The following KMT2A variants were observed in gnomAD, a reference collection of about 807,000 sequenced individuals.
KMT2A encodes histone-lysine N-methyltransferase 2A.
A neutral mutation model predicts 345.3 loss-of-function variants in KMT2A; 16 were observed. The ratio of observed to expected loss-of-function variants is 0.05; its 90% confidence interval spans 0.03 to 0.07. KMT2A has a LOEUF of 0.07. Among genes scored for constraint, KMT2A ranks in the 10% least tolerant of loss-of-function variants. KMT2A has a pLI of 1.00. For synonymous variants in KMT2A, 1,599 were observed against 1,778.6 expected, an observed-to-expected ratio of 0.90 and a Z score of 2.54; for missense variants, 3,272 against 4,841.6, an observed-to-expected ratio of 0.68 and a Z score of 9.62.
chr11:118,460,111 CTG>C (rs1244843921), intron 1 of KMT2A, among the ~76,000 whole-genome samples: 2 of 152,278 alleles, frequency 1.3e-5, no homozygotes, highest in African/African-American at 2.4e-5. Flanking sequence ...TTACTAGAAA[CTG>C]TGTCACATCT....
Position 118,501,696 on chromosome 11 carries a change from A to G in KMT2A, c.6344A>G (p.Asn2115Ser). ...FTESSSKESQ[N>S]TAEIISPPSP... is the part of the protein sequence containing the mutation. ...GAAAGTTCATCAAAAGAGAGTCAAA[A>G]CACAGCTGAAATTATAAGTCCTCCA... The change falls in exon 26 of 36, where the codon AAC becomes AGC. Residue 2115 changes from asparagine to serine, a missense_variant. This residue lies in a region of KMT2A where 66 missense variants were observed against 73.9 expected (regional missense o/e 0.89). Transcript: ENST00000534358. The G allele has an allele frequency of 6.2e-7, 1 of 1,613,522 alleles. No homozygotes were observed. The highest frequency in any genetic ancestry group is 1.1e-5 in the South Asian group (1 of 90,892).
Position 118,520,979 on chromosome 11 carries a change from T to A in KMT2A, c.11513+94T>A. The A allele has an allele frequency of 1.1e-6, 1 of 921,512 alleles. No homozygotes were observed. The highest frequency in any genetic ancestry group is 1.8e-6 in the Non-Finnish European group (1 of 565,068). The allele number at this position is 921,512 out of a possible 1,614,324, so 57.1% of individuals were successfully genotyped here. On this transcript the variant is annotated intron_variant, in intron 34 of 35. Transcript: ENST00000534358. This position sits in a 1 kb window ranked among gnomAD's most constrained non-coding sequence, Gnocchi z 4.3. ...TGCTGGAGTGACCTTCCTCACTCAG[T>A]AAGTGAGGATTTTACGGACACTATT...
intron 6 of KMT2A, among the ~76,000 whole-genome samples, chr11:118,480,913 C>T (rs757712041): frequency 1.3e-5 from 2 of 152,110 alleles, no homozygotes; most frequent in Admixed American, 1.3e-4. Context: ...GCAATCCTCT[C>T]GCCTTGGCCT....
intron 2 of KMT2A, among the ~76,000 whole-genome samples, chr11:118,470,675 A>C (rs1246455459): frequency 6.6e-6 from 1 of 152,196 alleles, no homozygotes; most frequent in Non-Finnish European, 1.5e-5. Flanking sequence ...TCTGTTAGCA[A>C]GCAGTTCCAT....
At chr11:118,485,048 T>C in intron 10 of KMT2A, 73 bp downstream of exon 10, 1 of 919,622 alleles carries the variant, frequency 1.1e-6, no homozygotes, top group Non-Finnish European at 1.8e-6. Context: ...TACTATAGTC[T>C]GTTTTGTTGG....
chr11:118,521,547 G>GGGCCGGGCGCGGTGGCTC lies in KMT2A; in HGVS notation c.11643+130_11643+131insGGCCGGGCGCGGTGGCTC. The GGGCCGGGCGCGGTGGCTC allele has an allele frequency of 1.7e-6, 2 of 1,153,586 alleles. No individual in the cohort carries two copies. Among genetic ancestry groups the GGGCCGGGCGCGGTGGCTC allele is most frequent in the Non-Finnish European group, 2.4e-6 (2 of 836,606 alleles). The allele number at this position is 1,153,586 out of a possible 1,614,324, so 71.5% of individuals were successfully genotyped here. ...GACCTTTCTTAAAAAAATAAACTCT[G>GGGCCGGGCGCGGTGGCTC]AAATTTGTGAGGGGCCCAGTAAAAA... is the stretch of plus-strand genomic sequence containing the variant. On this transcript the variant is annotated intron_variant, in intron 35 of 35. Coordinates refer to ENST00000534358, the MANE Select transcript of KMT2A (RefSeq NM_001197104.2). The surrounding 1 kb of genome is among the most constrained non-coding windows in gnomAD (Gnocchi z 5.3).
chr11:118,513,354 T>C (rs1950730542), intron 31 of KMT2A, among the ~76,000 whole-genome samples: 1 of 151,976 alleles, frequency 6.6e-6, no homozygotes, highest in Admixed American at 6.6e-5. Flanking sequence ...AGATTGCTCC[T>C]GGAAAGGTGG....
intron 29 of KMT2A, among the ~76,000 whole-genome samples, chr11:118,509,675 T>G (rs1950648782): frequency 6.6e-6 from 1 of 152,126 alleles, no homozygotes; most frequent in South Asian, 2.1e-4. Flanking sequence ...TTGAGGACAG[T>G]TGCTTATTGA....
At chr11:118,456,885 T>G (rs1186715299) in intron 1 of KMT2A, among the ~76,000 whole-genome samples, 5 of 152,204 alleles carry the variant, frequency 3.3e-5, no homozygotes, top group African/African-American at 9.7e-5. Context: ...CCTTTCTGTG[T>G]TCCCAGTCTT....
At chr11:118,507,820 G>C (rs1555048998) in intron 28 of KMT2A, 2 of 456,262 alleles carry the variant, frequency 4.4e-6, no homozygotes, top group Admixed American at 6.7e-5. Flanking sequence ...AGAATTAGCC[G>C]GGCGTGATGG....
rs1018195951 is a variant in KMT2A at position 118,439,227 on chromosome 11, A to G, written c.432+2283A>G. ...TTACCTGCTTATTTTCAAAATTGAG[A>G]CTTGCCTGGTTATATGTAGCATTTT... On this transcript the variant is annotated intron_variant, in intron 1 of 35. Coordinates refer to ENST00000534358, the MANE Select transcript of KMT2A (RefSeq NM_001197104.2). 9 of 384,174 alleles carry G rather than the reference A, an allele frequency of 2.3e-5. 1 individual carries two copies. In the Admixed American group the frequency reaches 2.9e-4, roughly 12 times the overall value. 23.8% of individuals were successfully genotyped at this position (384,174 alleles called of 1,614,324 possible).
intron 1 of KMT2A, among the ~76,000 whole-genome samples, chr11:118,468,551 A>G (rs1210250076): frequency 6.6e-6 from 1 of 152,132 alleles, no homozygotes; most frequent in African/African-American, 2.4e-5. Flanking sequence ...ATTTCAATGC[A>G]TTGTTCAGTT....
chr11:118,492,754 G>C (rs145912719), intron 15 of KMT2A, among the ~76,000 whole-genome samples: 1 of 152,246 alleles, frequency 6.6e-6, no homozygotes, highest in Non-Finnish European at 1.5e-5. Flanking sequence ...TTTTAATAGA[G>C]CTCCATTTTT....
intron 10 of KMT2A, among the ~76,000 whole-genome samples, chr11:118,486,433 A>G (rs1221434172): frequency 6.6e-6 from 1 of 151,666 alleles, no homozygotes; most frequent in East Asian, 1.9e-4. Flanking sequence ...TACAATGAGG[A>G]AGGAAAAAGT....
intron 2 of KMT2A, among the ~76,000 whole-genome samples, chr11:118,471,300 T>C (rs782542399): frequency 1.3e-5 from 2 of 152,232 alleles, no homozygotes; most frequent in Non-Finnish European, 2.9e-5. Flanking sequence ...GGCTAGGATA[T>C]GGCGAGGAAG....
intron 31 of KMT2A, among the ~76,000 whole-genome samples, chr11:118,514,520 A>G (rs1555051042): frequency 2.0e-5 from 3 of 151,584 alleles, no homozygotes; most frequent in Non-Finnish European, 4.4e-5. Context: ...GGCTCACTGC[A>G]ACCTCCATCT....
chr11:118,438,315 A>G (rs1334115487), intron 1 of KMT2A, among the ~76,000 whole-genome samples: 3 of 152,084 alleles, frequency 2.0e-5, no homozygotes, highest in Non-Finnish European at 4.4e-5. Context: ...TTCTATAAAC[A>G]TTATTCGGCC....
Position 118,487,738 on chromosome 11 carries a change from C to T in KMT2A, c.4333-876C>T, listed in dbSNP as rs9332803. Among the ~76,000 whole-genome samples, 10 of 152,272 alleles carry T rather than the reference C, an allele frequency of 6.6e-5. No homozygotes were observed. The South Asian group carries it at 2.1e-3, about 32-fold the overall frequency. On this transcript the variant is annotated intron_variant, in intron 10 of 35. Transcript: ENST00000534358. ...ATTACCAAATCAGGAAATTAACACA[C>T]TGGTACATTACTATTATCTGATCTA...
chr11:118,491,770 C>G lies in KMT2A; in HGVS notation c.4846C>G (p.Leu1616Val). 6.2e-7 allele frequency: 1 copy of G among 1,608,656 alleles called. No homozygotes were observed. Among genetic ancestry groups the G allele is most frequent in the South Asian group, 1.1e-5 (1 of 90,166 alleles). Residue 1616 changes from leucine (L) to valine (V), a missense_variant, in exon 15 of 36, where the codon CTG becomes GTG. Leu to Val is a conservative substitution (Grantham distance 32). This residue lies in a region of KMT2A where 120 missense variants were observed against 280.4 expected (regional missense o/e 0.43). Coordinates refer to ENST00000534358, the MANE Select transcript of KMT2A (RefSeq NM_001197104.2). This position sits in a 1 kb window ranked among gnomAD's most constrained non-coding sequence, Gnocchi z 4.2. ...TGAGATGTATGAGATTCTATCTAAT[C>G]TGCCAGAAAGTGTGGCCTACACTTG... ...EDEMYEILSN[L>V]PESVAYTCVN...
Sources: allele counts gnomAD v4.1 joint callset (sites outside exome capture counted in the v4.1 genomes callset), GRCh38; gene constraint gnomAD v4.1.1; regional missense constraint gnomAD v4.1.1; non-coding constraint Gnocchi (gnomAD v3.1); transcripts MANE v1.5; gene names NCBI Gene and HGNC (gene_info 2026-07-23, HGNC 2026-07-21).